Variants in FSTL5 observed in about 807,000 individuals in gnomAD.
The protein encoded by FSTL5 is follistatin like 5, also known as follistatin-related protein 5.
In FSTL5, 62 loss-of-function variants were observed where a neutral mutation model predicts 89.1. The observed-to-expected ratio is 0.70, with a 90% CI of 0.57 to 0.86. FSTL5 has a LOEUF of 0.86. Among genes scored for constraint, FSTL5 ranks in the 40% least tolerant of loss-of-function variants. The pLI is 0.00. For synonymous variants in FSTL5, 383 were observed against 346.2 expected, an observed-to-expected ratio of 1.11 and a Z score of -1.18; for missense variants, 1,057 against 1,001.6, an observed-to-expected ratio of 1.06 and a Z score of -0.75.
chr4:162,161,102 T>C (rs1380616222), intron 1 of FSTL5, among the ~76,000 whole-genome samples: 1 of 151,940 alleles, frequency 6.6e-6, no homozygotes, highest in African/African-American at 2.4e-5. Context: ...ATGAAGTTCA[T>C]CACTTTTCTG....
intron 6 of FSTL5, among the ~76,000 whole-genome samples, chr4:161,745,464 TAAC>T (rs375701674): frequency 2.0e-5 from 3 of 152,198 alleles, no homozygotes; most frequent in African/African-American, 7.2e-5. Context: ...TATGGAGTGA[TAAC>T]AACAGTGCAA....
At chr4:161,499,357 C>T (rs1321722072) in intron 12 of FSTL5, among the ~76,000 whole-genome samples, 2 of 152,178 alleles carry the variant, frequency 1.3e-5, no homozygotes, top group East Asian at 3.9e-4. Flanking sequence ...ATTTCTTTGT[C>T]CTACAAAATA....
chr4:161,392,050 A>T (rs558686398), intron 15 of FSTL5, among the ~76,000 whole-genome samples: 17 of 152,046 alleles, frequency 1.1e-4, no homozygotes, highest in Non-Finnish European at 2.4e-4. Context: ...TCAGTATTCT[A>T]TTTATTCTGA....
chr4:161,991,397 A>C (rs1736108196), intron 3 of FSTL5, among the ~76,000 whole-genome samples: 1 of 152,098 alleles, frequency 6.6e-6, no homozygotes, highest in Non-Finnish European at 1.5e-5. Flanking sequence ...CCTTTCACTC[A>C]GGTCAATACT....
intron 3 of FSTL5, among the ~76,000 whole-genome samples, chr4:161,994,551 T>C (rs926575471): frequency 7.2e-5 from 11 of 152,316 alleles, no homozygotes; most frequent in African/African-American, 2.4e-4. Context: ...CTGTTATTTT[T>C]TGACTTTTTA....
At chr4:161,607,282 T>C (rs183151473) in intron 7 of FSTL5, among the ~76,000 whole-genome samples, 1 of 152,290 alleles carries the variant, frequency 6.6e-6, no homozygotes, top group Admixed American at 6.5e-5. Context: ...ATGAGGAATA[T>C]ATTGCTAAAT....
At chr4:161,975,604 G>C (rs1473631226) in intron 3 of FSTL5, among the ~76,000 whole-genome samples, 2 of 151,072 alleles carry the variant, frequency 1.3e-5, no homozygotes, top group African/African-American at 4.9e-5. Context: ...GGACTGTGGT[G>C]GGGTGGGGGG....
intron 3 of FSTL5, among the ~76,000 whole-genome samples, chr4:161,983,681 A>G (rs1287526177): frequency 6.6e-6 from 1 of 152,198 alleles, no homozygotes; most frequent in Non-Finnish European, 1.5e-5. Context: ...CAGGACACTC[A>G]TTTATACATC....
intron 4 of FSTL5, among the ~76,000 whole-genome samples, chr4:161,871,913 A>G (rs969394487): frequency 4.6e-5 from 7 of 152,178 alleles, no homozygotes; most frequent in Admixed American, 4.6e-4. Flanking sequence ...TGGAAAGCAC[A>G]GAAACACATC....
intron 1 of FSTL5, among the ~76,000 whole-genome samples, chr4:162,146,179 C>A (rs1448115178): frequency 1.3e-5 from 2 of 151,990 alleles, no homozygotes; most frequent in Non-Finnish European, 2.9e-5. Flanking sequence ...CTTTCTAACA[C>A]TTGAATGGAG....
intron 9 of FSTL5, among the ~76,000 whole-genome samples, chr4:161,539,986 C>G (rs941722043): frequency 1.3e-5 from 2 of 150,404 alleles, no homozygotes; most frequent in Non-Finnish European, 3.0e-5. Flanking sequence ...TAAATTTCTT[C>G]CTTCTTTAAA....
intron 6 of FSTL5, among the ~76,000 whole-genome samples, chr4:161,749,133 A>C (rs920495559): frequency 3.3e-5 from 5 of 152,164 alleles, no homozygotes; most frequent in Non-Finnish European, 5.9e-5. Flanking sequence ...TCAAAGAACT[A>C]AAAGTAGAAC....
At chr4:161,562,807 G>A (rs4539994) in intron 8 of FSTL5, among the ~76,000 whole-genome samples, 151,506 of 152,108 alleles carry the variant, frequency 1, 75,455 homozygotes, top group Middle Eastern at 1. Flanking sequence ...AACTCTTGCT[G>A]TTGAAATTCC....
At chr4:161,757,854 G>A (rs1579071386) in intron 6 of FSTL5, among the ~76,000 whole-genome samples, 1 of 152,074 alleles carries the variant, frequency 6.6e-6, no homozygotes, top group East Asian at 1.9e-4. Flanking sequence ...CCTGACCTTA[G>A]GTGATCCGCC....
intron 4 of FSTL5, among the ~76,000 whole-genome samples, chr4:161,779,821 A>ATATATATATATG (rs1553965278): frequency 0.055 from 3,451 of 62,250 alleles, 349 homozygotes; most frequent in East Asian, 0.18. Context: ...GTATATATAT[A>ATATATATATATG]TATATATATA....
intron 4 of FSTL5, among the ~76,000 whole-genome samples, chr4:161,840,170 T>C (rs1009512477): frequency 6.6e-6 from 1 of 152,026 alleles, no homozygotes; most frequent in East Asian, 1.9e-4. Flanking sequence ...TTGGCAGATA[T>C]GGCTGATCTA....
chr4:161,422,330 T>TA lies in FSTL5; in HGVS notation c.1841+32673dup, dbSNP rs1236701755. Reference sequence around the variant, plus strand: ...AAATAATGTGTGTGTCTGTGTGTGTTAAAAAAATGTCTTTCGATGTAAAGA... The same window carrying TA: ...AAATAATGTGTGTGTCTGTGTGTGTTAAAAAAAATGTCTTTCGATGTAAAGA... On this transcript the variant is annotated intron_variant, in intron 15 of 15. Transcript: ENST00000306100. 2.0e-5 allele frequency among the ~76,000 whole-genome samples: 3 copies of TA among 152,078 alleles called. No individual in the cohort carries two copies. In the East Asian group the frequency reaches 5.8e-4, roughly 29 times the overall value.
At chr4:162,044,371 G>A (rs770703937) in intron 2 of FSTL5, among the ~76,000 whole-genome samples, 3 of 152,184 alleles carry the variant, frequency 2.0e-5, no homozygotes, top group South Asian at 2.1e-4. Context: ...CTGAGCAATC[G>A]TTCAATAATG....
intron 7 of FSTL5, among the ~76,000 whole-genome samples, chr4:161,638,069 C>T (rs1735791981): frequency 6.6e-6 from 1 of 151,356 alleles, no homozygotes; most frequent in African/African-American, 2.4e-5. Flanking sequence ...TGGCCATTTT[C>T]ACGATATTGA....
Sources: allele counts gnomAD v4.1 joint callset (sites outside exome capture counted in the v4.1 genomes callset), GRCh38; gene constraint gnomAD v4.1.1; transcripts MANE v1.5; gene names NCBI Gene and HGNC (gene_info 2026-07-23, HGNC 2026-07-21).